Variants in RIC8B observed in about 807,000 individuals in gnomAD.
RIC8B encodes RIC8 guanine nucleotide exchange factor B.
Under a neutral mutation model 57.5 loss-of-function variants are expected in RIC8B, and 16 were observed. That is an observed-to-expected ratio of 0.28 (90% CI 0.19 to 0.42). The LOEUF (loss-of-function observed/expected upper bound fraction) is 0.42, where lower values mean the gene tolerates loss of function less well. Ranked by LOEUF, RIC8B falls within the 10% of genes least tolerant of loss-of-function variation. RIC8B has a pLI of 1.00. For missense variants in RIC8B, 481 were observed against 677.0 expected (o/e 0.71, Z 3.21); for synonymous variants, 216 against 250.8 (o/e 0.86, Z 1.31).
intron 9 of RIC8B, among the ~76,000 whole-genome samples, chr12:106,881,313 CTT>C (rs777983721): frequency 6.6e-6 from 1 of 151,432 alleles, no homozygotes; most frequent in Non-Finnish European, 1.5e-5. Flanking sequence ...TTCAAATCCT[CTT>C]TTATACCGCA....
intron 4 of RIC8B, among the ~76,000 whole-genome samples, chr12:106,829,191 G>T (rs1416357925): frequency 1.3e-5 from 2 of 152,150 alleles, no homozygotes; most frequent in Non-Finnish European, 2.9e-5. Context: ...TTGTTGGTAT[G>T]ATCCACCTTT....
In RIC8B at chr12:106,886,822, A is replaced by G. The variant is rs949006368; in HGVS notation, c.*807A>G. 1 of 152,448 alleles carries G rather than the reference A, an allele frequency of 6.6e-6. No homozygotes were observed. Among genetic ancestry groups the G allele is most frequent in the African/African-American group, 2.4e-5 (1 of 41,374 alleles). The allele number at this position is 152,448 out of a possible 1,614,324, so 9.4% of individuals were successfully genotyped here. On this transcript the variant is annotated 3_prime_UTR_variant, in exon 10 of 10. Transcript: ENST00000392837. ...ACACATCCTCCATCCCAGCATAGAGAATGGGGACTCCCTGAGTAATGGGAG... is the reference window on the plus strand; with the variant it reads ...ACACATCCTCCATCCCAGCATAGAGGATGGGGACTCCCTGAGTAATGGGAG...
At chr12:106,853,081 TTGTC>T (rs1184149789) in intron 7 of RIC8B, among the ~76,000 whole-genome samples, 1 of 152,194 alleles carries the variant, frequency 6.6e-6, no homozygotes, top group Non-Finnish European at 1.5e-5. Context: ...ATTTTTTTAG[TTGTC>T]TGTATAATTT....
intron 3 of RIC8B, among the ~76,000 whole-genome samples, 169 bp downstream of exon 3, chr12:106,815,473 T>C (rs756339462): frequency 2.5e-4 from 38 of 152,362 alleles, no homozygotes; most frequent in Non-Finnish European, 5.0e-4. Context: ...GTAAGTCTTA[T>C]TCTTTCCATT....
At chr12:106,863,342 G>A (rs1939607382) in intron 8 of RIC8B, among the ~76,000 whole-genome samples, 1 of 152,032 alleles carries the variant, frequency 6.6e-6, no homozygotes, top group Non-Finnish European at 1.5e-5. Flanking sequence ...TAATCAGATC[G>A]AAAAGCTTAA....
At chr12:106,807,700 T>A (rs545070319) in intron 2 of RIC8B, among the ~76,000 whole-genome samples, 3 of 152,200 alleles carry the variant, frequency 2.0e-5, no homozygotes, top group Non-Finnish European at 2.9e-5. Context: ...TGGACAGCTA[T>A]CAGTTTCCAT....
chr12:106,858,917 C>T (rs1387670279), intron 7 of RIC8B, among the ~76,000 whole-genome samples: 1 of 152,030 alleles, frequency 6.6e-6, no homozygotes, highest in Non-Finnish European at 1.5e-5. Flanking sequence ...CCGTATCCTC[C>T]ATGATTTTAT....
intron 1 of RIC8B, among the ~76,000 whole-genome samples, chr12:106,778,247 G>A (rs78110023): frequency 0.013 from 1,993 of 152,252 alleles, 53 homozygotes; most frequent in African/African-American, 0.046. Context: ...AGAGATACCT[G>A]TCGGGCTCCG....
At chr12:106,830,878 GA>G (rs1214021120) in intron 4 of RIC8B, among the ~76,000 whole-genome samples, 2 of 152,090 alleles carry the variant, frequency 1.3e-5, no homozygotes, top group Admixed American at 6.6e-5. Context: ...AGATATCACA[GA>G]TTTTTTTTTA....
chr12:106,848,513 G>T (rs531490542), intron 6 of RIC8B, among the ~76,000 whole-genome samples: 1 of 152,190 alleles, frequency 6.6e-6, no homozygotes, highest in Admixed American at 6.5e-5. Context: ...CACTTACAAG[G>T]CTTTGGTATT....
intron 9 of RIC8B, chr12:106,878,926 C>CT (rs2136655518): frequency 1.0e-6 from 1 of 980,192 alleles, no homozygotes; most frequent in South Asian, 4.7e-5. Flanking sequence ...GAATAGGTCT[C>CT]TAACATGCTG....
chr12:106,813,766 T>C (rs1160268818), intron 2 of RIC8B, among the ~76,000 whole-genome samples: 1 of 152,166 alleles, frequency 6.6e-6, no homozygotes, highest in Non-Finnish European at 1.5e-5. Context: ...TTTTATAAGA[T>C]GTAAGGGAGT....
chr12:106,801,246 T>C (rs1464790993), intron 2 of RIC8B, among the ~76,000 whole-genome samples: 1 of 152,218 alleles, frequency 6.6e-6, no homozygotes, highest in Non-Finnish European at 1.5e-5. Flanking sequence ...TATAAAACTT[T>C]TCTTGTCAAG....
At chr12:106,821,475 T>C (rs1050581400) in intron 3 of RIC8B, among the ~76,000 whole-genome samples, 1 of 152,096 alleles carries the variant, frequency 6.6e-6, no homozygotes, top group African/African-American at 2.4e-5. Flanking sequence ...ACACAAAAAA[T>C]TAATTTGAGA....
rs1408503310 is a variant in RIC8B, at chr12:106,832,003, T to TTGGGAAAAA, written c.836+6184_836+6185insGGGAAAAAT. 2.4e-4 allele frequency among the ~76,000 whole-genome samples: 37 copies of TTGGGAAAAA among 152,326 alleles called. 1 individual carries two copies. The highest frequency in any genetic ancestry group is 8.9e-4 in the African/African-American group (37 of 41,572). The stretch of plus-strand genomic sequence containing the variant: ...CTTCTTTCTCTTCCTTAGACATAGA[T>TTGGGAAAAA]TCCTTATTAGGGCCTTTACACTTGC... On this transcript the variant is annotated intron_variant, in intron 4 of 9. Coordinates refer to ENST00000392837, the MANE Select transcript of RIC8B (RefSeq NM_001330145.2).
intron 5 of RIC8B, 107 bp from the exon 6 acceptor site, chr12:106,843,742 AAAG>A: frequency 2.4e-5 from 16 of 672,876 alleles, no homozygotes; most frequent in Admixed American, 1.2e-4. Context: ...AAAAAAAAAA[AAAG>A]TCCCCACCTC....
At chr12:106,884,470 A>G (rs1266496923) in intron 9 of RIC8B, among the ~76,000 whole-genome samples, 1 of 152,144 alleles carries the variant, frequency 6.6e-6, no homozygotes, top group Non-Finnish European at 1.5e-5. Flanking sequence ...GCCACTAGAT[A>G]AGTGACCTTG....
Position 106,843,858 on chromosome 12 carries a change from A to G in RIC8B, c.1072A>G (p.Ser358Gly). The change falls in exon 6 of 10, where the codon AGC (serine) becomes GGC (glycine). Residue 358 changes from serine to glycine, a missense_variant. Ser to Gly is a moderately conservative substitution (Grantham distance 56). This residue lies in a region of RIC8B where 421 missense variants were observed against 560.9 expected (regional missense o/e 0.75). Transcript: ENST00000392837. ...ATGGTTTTTTTTTTTATAGGGAAGCAGCTATAGAGAGGGTCTAACTCCAGT... is the reference window on the plus strand; with the variant it reads ...ATGGTTTTTTTTTTTATAGGGAAGCGGCTATAGAGAGGGTCTAACTCCAGT... ...FMEKRIDKGS[S>G]YREGLTPVLS... The G allele has an allele frequency of 6.2e-7, 1 of 1,606,952 alleles. No homozygotes were observed. Among genetic ancestry groups the G allele is most frequent in the Non-Finnish European group, 8.5e-7 (1 of 1,175,840 alleles).
Position 106,879,410 on chromosome 12 carries a change from A to G in RIC8B, c.1572-6494A>G. Reference sequence around the variant, plus strand: ...TTTTTGGGGGAAAGAGTCATATAGGAACCAGAAGCCCTAAAAAGCAGAACC... The same window carrying G: ...TTTTTGGGGGAAAGAGTCATATAGGGACCAGAAGCCCTAAAAAGCAGAACC... On this transcript the variant is annotated intron_variant, in intron 9 of 9. Coordinates refer to ENST00000392837, the MANE Select transcript of RIC8B (RefSeq NM_001330145.2). This position sits in a 1 kb window ranked among gnomAD's most constrained non-coding sequence, Gnocchi z 4.9. 4 of 985,276 alleles carry G rather than the reference A, an allele frequency of 4.1e-6. No individual in the cohort carries two copies. Among genetic ancestry groups the G allele is most frequent in the Non-Finnish European group, 3.6e-6 (3 of 829,892 alleles). The allele number at this position is 985,276 out of a possible 1,614,324, so 61.0% of individuals were successfully genotyped here.
Sources: gnomAD v4.1 joint callset for allele counts (sites outside exome capture counted in the v4.1 genomes callset) on GRCh38, gnomAD v4.1.1 for gene constraint, gnomAD v4.1.1 regional missense constraint, Gnocchi (gnomAD v3.1) non-coding constraint, MANE v1.5 for transcripts, NCBI Gene and HGNC (gene_info 2026-07-23, HGNC 2026-07-21) for gene names.